Variants in GMEB1 observed in about 807,000 individuals in gnomAD.
The protein encoded by GMEB1 is glucocorticoid modulatory element-binding protein 1.
Under a neutral mutation model 52.4 loss-of-function variants are expected in GMEB1, and 6 were observed. That is an observed-to-expected ratio of 0.11 (90% CI 0.06 to 0.23). The LOEUF is 0.23. Among genes scored for constraint, GMEB1 ranks in the 10% least tolerant of loss-of-function variants. The pLI, the probability that GMEB1 is intolerant of heterozygous loss-of-function variation, is 1.00. For synonymous variants in GMEB1, 255 were observed against 244.9 expected, an observed-to-expected ratio of 1.04 and a Z score of -0.38; for missense variants, 486 against 685.6, an observed-to-expected ratio of 0.71 and a Z score of 3.25.
intron 7 of GMEB1, among the ~76,000 whole-genome samples, chr1:28,703,565 C>T (rs1670611394): frequency 6.6e-6 from 1 of 151,978 alleles, no homozygotes; most frequent in African/African-American, 2.4e-5. Context: ...GAGGCTGAGA[C>T]AGGAGAAGCA....
At position 28,690,195 on chromosome 1, in the gene GMEB1, T is replaced by A. The variant is rs964594811; in HGVS notation, c.211+9T>A. On this transcript the variant is annotated intron_variant, in intron 3 of 9. Transcript: ENST00000373816. ...AATTGAAGAAGGGATTGGTAAGGGT[T>A]TTTTTGTGTTTTTTTTTTTTTTTTT... The A allele has an allele frequency of 2.9e-5, 34 of 1,176,734 alleles. No homozygotes were observed. Among genetic ancestry groups the A allele is most frequent in the Non-Finnish European group, 4.0e-5 (33 of 828,704 alleles). 72.9% of individuals were successfully genotyped at this position (1,176,734 alleles called of 1,614,324 possible). A position where few individuals can be genotyped will look rare whatever the true frequency, so the allele number is the denominator to read the frequency against.
rs1669971778 is a variant in GMEB1 at position 28,691,700 on chromosome 1, G to A, written c.327G>A (p.Lys109=). ...TTGTATGTCCAGGAATAAACGTGAA[G>A]TGTGTCAAGGTAATTGTCTTTTCCA... ...KKFVCPGINV[K]CVKFNDQLIS... The change falls in exon 4 of 10, where the codon AAG becomes AAA. Residue 109 remains lysine (K), a synonymous_variant. Transcript: ENST00000373816. The A allele has an allele frequency of 6.6e-7, 1 of 1,516,968 alleles. No homozygotes were observed. Among genetic ancestry groups the A allele is most frequent in the Non-Finnish European group, 8.9e-7 (1 of 1,120,160 alleles). The allele number at this position is 1,516,968 out of a possible 1,614,324, so 94.0% of individuals were successfully genotyped here. A position where few individuals can be genotyped will look rare whatever the true frequency, so the allele number is the denominator to read the frequency against.
At chr1:28,669,246 G>A (rs1668766457) in intron 1 of GMEB1, among the ~76,000 whole-genome samples, 1 of 151,762 alleles carries the variant, frequency 6.6e-6, no homozygotes, top group Non-Finnish European at 1.5e-5. Context: ...GGACTGAGAG[G>A]GCCAGGCGCC....
intron 6 of GMEB1, among the ~76,000 whole-genome samples, chr1:28,701,190 G>T (rs957839756): frequency 6.6e-6 from 1 of 150,876 alleles, no homozygotes; most frequent in Non-Finnish European, 1.5e-5. Flanking sequence ...ATATCCTCCA[G>T]TGTGTAGAGT....
At chr1:28,692,254 G>C (rs991815043) in intron 4 of GMEB1, among the ~76,000 whole-genome samples, 18 of 151,940 alleles carry the variant, frequency 1.2e-4, no homozygotes, top group Non-Finnish European at 4.4e-5. Flanking sequence ...ACTATTGGCT[G>C]GGTGAGGTGG....
chr1:28,700,108 G>A (rs937033243), intron 6 of GMEB1, among the ~76,000 whole-genome samples: 6 of 145,824 alleles, frequency 4.1e-5, no homozygotes, highest in Middle Eastern at 3.2e-3. Flanking sequence ...AGCGGCCCAC[G>A]CCTATAATCG....
Position 28,716,112 on chromosome 1 carries a change from A to T in GMEB1, c.*1339A>T, listed in dbSNP as rs1338948753. The T allele has an allele frequency of 6.6e-6, 1 of 152,376 alleles. No individual in the cohort carries two copies. The highest frequency in any genetic ancestry group is 1.5e-5 in the Non-Finnish European group (1 of 68,230). 9.4% of individuals were successfully genotyped at this position (152,376 alleles called of 1,614,324 possible). A position where few individuals can be genotyped will look rare whatever the true frequency, so the allele number is the denominator to read the frequency against. ...AACTCCGTCTCAAAAAAAAAGAAAG[A>T]AATGGAAAGCCAAGGATGCTGCAGC... On this transcript the variant is annotated 3_prime_UTR_variant, in exon 10 of 10. Transcript: ENST00000373816.
chr1:28,710,193 A>G (rs764631690), intron 8 of GMEB1, among the ~76,000 whole-genome samples: 1 of 152,150 alleles, frequency 6.6e-6, no homozygotes, highest in Non-Finnish European at 1.5e-5. Flanking sequence ...AAGTAGAGAC[A>G]GGGGTCTCAC....
At chr1:28,701,044 G>A (rs572824414) in intron 6 of GMEB1, among the ~76,000 whole-genome samples, 1 of 152,120 alleles carries the variant, frequency 6.6e-6, no homozygotes, top group African/African-American at 2.4e-5. Context: ...CTGACTTTAG[G>A]ACTTGAGCAT....
chr1:28,672,752 T>G (rs1035531540), intron 1 of GMEB1, among the ~76,000 whole-genome samples: 27 of 148,440 alleles, frequency 1.8e-4, no homozygotes, highest in African/African-American at 6.4e-4. Context: ...TTTTTTTTTT[T>G]TTTGTTTTGA....
intron 8 of GMEB1, among the ~76,000 whole-genome samples, chr1:28,706,866 C>CA (rs1670798544): frequency 6.6e-6 from 1 of 151,136 alleles, no homozygotes; most frequent in South Asian, 2.1e-4. Context: ...GGGGTTTCAC[C>CA]ATGTTGGCCA....
Position 28,698,674 on chromosome 1 carries a change from CAAAAAAA to C in GMEB1, c.598+1599_598+1605del, listed in dbSNP as rs138996886. Among the ~76,000 whole-genome samples the C allele has an allele frequency of 2.1e-4, 25 of 120,886 alleles. 1 individual carries two copies. In the South Asian group the frequency reaches 6.1e-3, roughly 29 times the overall value. 79.3% of individuals were successfully genotyped at this position (120,886 alleles called of 152,430 possible). A position where few individuals can be genotyped will look rare whatever the true frequency, so the allele number is the denominator to read the frequency against. ...TGGGCGACAAAGCGAGACTCCATCT[CAAAAAAA>C]AAAAAAAAGAAAAATGCTTTGCAGC... On this transcript the variant is annotated intron_variant, in intron 6 of 9. Transcript: ENST00000373816.
chr1:28,687,328 C>A (rs1669691522), intron 2 of GMEB1, among the ~76,000 whole-genome samples: 4 of 113,618 alleles, frequency 3.5e-5, no homozygotes, highest in African/African-American at 6.8e-5. Flanking sequence ...AGAATGAGAC[C>A]CTATCTCACA....
At chr1:28,669,855 G>C (rs1238843938) in intron 1 of GMEB1, among the ~76,000 whole-genome samples, 1 of 152,106 alleles carries the variant, frequency 6.6e-6, no homozygotes, top group African/African-American at 2.4e-5. Context: ...CTAATTGAGG[G>C]GCAGGAGAGA....
intron 2 of GMEB1, among the ~76,000 whole-genome samples, chr1:28,688,044 G>T (rs74699386): frequency 6.6e-6 from 1 of 152,116 alleles, no homozygotes; most frequent in African/African-American, 2.4e-5. Context: ...CAGCACTTTG[G>T]GAGGCGGAGG....
chr1:28,670,153 T>TTTATTTATTTATTTA (rs1668816591), intron 1 of GMEB1, among the ~76,000 whole-genome samples: 1 of 150,704 alleles, frequency 6.6e-6, no homozygotes, highest in African/African-American at 2.4e-5. Context: ...TGGGGACCCT[T>TTTATTTATTTATTTA]TTTATTTATT....
chr1:28,702,675 A>C, intron 7 of GMEB1, 106 bp downstream of exon 7: 36 of 932,558 alleles, frequency 3.9e-5, no homozygotes, highest in Non-Finnish European at 5.3e-5. Context: ...GGATTTTCTC[A>C]TGCACGTAAA....
chr1:28,683,648 T>C lies in GMEB1; in HGVS notation c.36T>C (p.Asp12=). ...CAGAAGTGAGTGTCCCAGTGGGGGA[T>C]GTGGTTGTGGTACCTACTGAAGGAA... ...ANAEVSVPVG[D]VVVVPTEGNE... Residue 12 remains aspartate (D), a synonymous_variant, in exon 2 of 10, where the codon GAT becomes GAC. Coordinates refer to ENST00000373816, the MANE Select transcript of GMEB1 (RefSeq NM_001319674.2). 3 of 1,610,858 alleles carry C rather than the reference T, an allele frequency of 1.9e-6. No homozygotes were observed. Among genetic ancestry groups the C allele is most frequent in the Non-Finnish European group, 1.7e-6 (2 of 1,178,616 alleles).
intron 1 of GMEB1, among the ~76,000 whole-genome samples, chr1:28,675,211 G>T (rs1669095183): frequency 6.8e-6 from 1 of 147,252 alleles, no homozygotes; most frequent in African/African-American, 2.5e-5. Flanking sequence ...TAGAGACGAG[G>T]TTTCACCATG....
Sources: gnomAD v4.1 joint callset for allele counts (sites outside exome capture counted in the v4.1 genomes callset) on GRCh38, gnomAD v4.1.1 for gene constraint, MANE v1.5 for transcripts, NCBI Gene and HGNC (gene_info 2026-07-23, HGNC 2026-07-21) for gene names.